Variants in DLC1 observed in about 807,000 individuals in gnomAD.
DLC1 encodes the protein DLC1 Rho GTPase activating protein, also known as rho GTPase-activating protein 7.
Under a neutral mutation model 140.3 loss-of-function variants are expected in DLC1, and 54 were observed. The observed-to-expected ratio is 0.38, with a 90% CI of 0.31 to 0.48. The LOEUF (loss-of-function observed/expected upper bound fraction) is 0.48. Ranked by LOEUF, DLC1 falls within the 20% of genes least tolerant of loss-of-function variation. The pLI, the probability that DLC1 is intolerant of heterozygous loss-of-function variation, is 0.96. For missense variants in DLC1, 2,536 were observed against 1,907.0 expected (o/e 1.33, Z -6.14); for synonymous variants, 986 against 728.1 (o/e 1.35, Z -5.70).
intron 4 of DLC1, among the ~76,000 whole-genome samples, chr8:13,391,919 A>G (rs908650391): frequency 6.6e-6 from 1 of 151,640 alleles, no homozygotes; most frequent in African/African-American, 2.4e-5. Context: ...GAAAAAGCCA[A>G]TGCATCAATG....
chr8:13,125,512 C>T (rs1335875848), intron 5 of DLC1, among the ~76,000 whole-genome samples: 9 of 152,164 alleles, frequency 5.9e-5, no homozygotes, highest in African/African-American at 1.4e-4. Context: ...GTGACTTGGG[C>T]GCTGAAATAC....
chr8:13,546,913 A>T (rs1199575972), intron 1 of DLC1, among the ~76,000 whole-genome samples: 2 of 152,134 alleles, frequency 1.3e-5, no homozygotes, highest in African/African-American at 4.8e-5. Context: ...TATGTATCCT[A>T]GAGTGAAGAA....
At chr8:13,188,062 G>A (rs541564387) in intron 5 of DLC1, among the ~76,000 whole-genome samples, 20 of 150,404 alleles carry the variant, frequency 1.3e-4, no homozygotes, top group Non-Finnish European at 2.7e-4. Context: ...TTTTAAGCAG[G>A]TCCATACAAC....
intron 5 of DLC1, chr8:13,132,929 G>C (rs371566689): frequency 5.6e-6 from 9 of 1,600,444 alleles, no homozygotes; most frequent in African/African-American, 5.3e-5. Flanking sequence ...ACGGCAAGAC[G>C]CAAGTCTAGC....
intron 5 of DLC1, among the ~76,000 whole-genome samples, chr8:13,199,669 G>A (rs1827269303): frequency 6.6e-6 from 1 of 151,900 alleles, no homozygotes; most frequent in African/African-American, 2.4e-5. Context: ...TTTATGAATG[G>A]CTTCTTCATA....
intron 7 of DLC1, among the ~76,000 whole-genome samples, chr8:13,104,308 TA>T (rs1222545208): frequency 7.7e-6 from 1 of 129,896 alleles, no homozygotes; most frequent in Non-Finnish European, 1.7e-5. Context: ...AATATCAATT[TA>T]AAATTAGGGA....
At chr8:13,170,724 C>A (rs1585831941) in intron 5 of DLC1, among the ~76,000 whole-genome samples, 1 of 123,280 alleles carries the variant, frequency 8.1e-6, no homozygotes, top group Non-Finnish European at 1.6e-5. Flanking sequence ...AGCAAGACTC[C>A]ATCTCAAAAA....
chr8:13,266,073 G>A (rs73557941), intron 5 of DLC1, among the ~76,000 whole-genome samples: 2,151 of 152,024 alleles, frequency 0.014, 47 homozygotes, highest in African/African-American at 0.049. Context: ...AATCACTGAA[G>A]GACTAAAGGA....
intron 5 of DLC1, among the ~76,000 whole-genome samples, chr8:13,123,181 C>T (rs1275679599): frequency 6.6e-6 from 1 of 152,158 alleles, no homozygotes; most frequent in African/African-American, 2.4e-5. Flanking sequence ...ACCCTGTACA[C>T]GTCACGTTAG....
intron 4 of DLC1, among the ~76,000 whole-genome samples, chr8:13,373,125 C>G (rs917500289): frequency 3.3e-5 from 5 of 152,176 alleles, no homozygotes; most frequent in African/African-American, 7.2e-5. Flanking sequence ...AAGCATTCCT[C>G]CGGCCTAGAT....
chr8:13,567,324 C>A (rs1402268174), intron 1 of DLC1: 1 of 1,551,678 alleles, frequency 6.4e-7, no homozygotes, highest in South Asian at 1.2e-5. Flanking sequence ...CAACAGAAAT[C>A]ACTCGGGTAT....
At chr8:13,234,214 C>T (rs1829181559) in intron 5 of DLC1, among the ~76,000 whole-genome samples, 1 of 152,062 alleles carries the variant, frequency 6.6e-6, no homozygotes, top group Non-Finnish European at 1.5e-5. Flanking sequence ...GAATGCATTG[C>T]ATTCTCAAAG....
intron 2 of DLC1, among the ~76,000 whole-genome samples, chr8:13,414,513 C>A (rs1837956738): frequency 6.6e-6 from 1 of 152,118 alleles, no homozygotes; most frequent in Non-Finnish European, 1.5e-5. Context: ...TCATAGATTG[C>A]ACAAATTCCT....
At chr8:13,443,089 C>G (rs180708245) in intron 2 of DLC1, among the ~76,000 whole-genome samples, 3 of 150,334 alleles carry the variant, frequency 2.0e-5, no homozygotes, top group African/African-American at 7.4e-5. Flanking sequence ...TCATTCTCAG[C>G]AAACTATCTC....
At chr8:13,374,111 G>C (rs1435180050) in intron 4 of DLC1, among the ~76,000 whole-genome samples, 1 of 152,134 alleles carries the variant, frequency 6.6e-6, no homozygotes, top group Non-Finnish European at 1.5e-5. Flanking sequence ...TGAATGAACT[G>C]TATCTGTATT....
chr8:13,539,290 C>T (rs1421164476), intron 1 of DLC1, among the ~76,000 whole-genome samples: 2 of 152,084 alleles, frequency 1.3e-5, no homozygotes, highest in Non-Finnish European at 1.5e-5. Flanking sequence ...AGCTCTGCCT[C>T]CTGAGTTCAC....
At chr8:13,288,868 G>A (rs992475632) in intron 5 of DLC1, among the ~76,000 whole-genome samples, 2 of 152,210 alleles carry the variant, frequency 1.3e-5, no homozygotes, top group Admixed American at 6.5e-5. Flanking sequence ...GGGATCATAG[G>A]TTCCACTTAG....
chr8:13,395,855 TG>T (rs201022732), intron 3 of DLC1, among the ~76,000 whole-genome samples: 70 of 148,016 alleles, frequency 4.7e-4, no homozygotes, highest in Middle Eastern at 3.5e-3. Context: ...TCTTCTTCTT[TG>T]TTTTTTTGCA....
At chr8:13,582,685 C>T (rs1585301242) in intron 1 of DLC1, among the ~76,000 whole-genome samples, 1 of 150,960 alleles carries the variant, frequency 6.6e-6, no homozygotes, top group African/African-American at 2.4e-5. Context: ...AATAAACTTC[C>T]ATATATATAT....
Sources: allele counts gnomAD v4.1 joint callset (sites outside exome capture counted in the v4.1 genomes callset), GRCh38; gene constraint gnomAD v4.1.1; transcripts MANE v1.5; gene names NCBI Gene and HGNC (gene_info 2026-07-23, HGNC 2026-07-21).